Variants in ZNF385D observed in about 807,000 individuals in gnomAD.
ZNF385D encodes zinc finger protein 385D.
A neutral mutation model predicts 35.8 loss-of-function variants in ZNF385D; 15 were observed. That is an observed-to-expected ratio of 0.42 (90% CI 0.28 to 0.64). ZNF385D has a LOEUF of 0.64. Ranked by LOEUF, ZNF385D falls within the 30% of genes least tolerant of loss-of-function variation. ZNF385D has a pLI of 0.23. For synonymous variants in ZNF385D, 212 were observed against 186.8 expected (o/e 1.13, Z -1.10); for missense variants, 474 against 494.6 (o/e 0.96, Z 0.39).
At chr3:22,014,758 A>C (rs1696781159) in intron 3 of ZNF385D, among the ~76,000 whole-genome samples, 1 of 152,162 alleles carries the variant, frequency 6.6e-6, no homozygotes, top group African/African-American at 2.4e-5. Flanking sequence ...TAAATATATT[A>C]ATAATGAAAT....
intron 2 of ZNF385D, among the ~76,000 whole-genome samples, chr3:21,621,958 T>C (rs755238465): frequency 2.6e-5 from 4 of 152,150 alleles, no homozygotes; most frequent in Non-Finnish European, 4.4e-5. Context: ...ATTACTCTTC[T>C]GGATTTTAAC....
chr3:21,569,729 T>C (rs1212678785), intron 2 of ZNF385D, among the ~76,000 whole-genome samples: 1 of 151,780 alleles, frequency 6.6e-6, no homozygotes, highest in Non-Finnish European at 1.5e-5. Context: ...TATGCAGCCA[T>C]AAAAAATGAT....
At chr3:21,863,131 T>C (rs1186848252) in intron 3 of ZNF385D, among the ~76,000 whole-genome samples, 4 of 152,180 alleles carry the variant, frequency 2.6e-5, no homozygotes, top group Non-Finnish European at 4.4e-5. Context: ...TAAAATCATG[T>C]TGGTAAAACA....
intron 1 of ZNF385D, among the ~76,000 whole-genome samples, chr3:21,737,931 G>A (rs959406076): frequency 1.3e-4 from 20 of 152,178 alleles, no homozygotes; most frequent in Non-Finnish European, 2.4e-4. Context: ...CAGCACTCAC[G>A]TAAAGATAGA....
intron 2 of ZNF385D, among the ~76,000 whole-genome samples, chr3:21,655,175 G>C (rs1181482810): frequency 6.6e-6 from 1 of 151,856 alleles, no homozygotes; most frequent in African/African-American, 2.4e-5. Context: ...GGTTCAATAG[G>C]CTTCCTCAAT....
At position 22,245,744 on chromosome 3, in the gene ZNF385D, T is replaced by G. The variant is rs879444214; in HGVS notation, c.107-76709A>C. On this transcript the variant is annotated intron_variant, in intron 2 of 5. Transcript: ENST00000494108. ...TTGCTCTTTTTCTCTTTCCTTTTTT[T>G]GGGGGGTGGTGGGGAGGGGGGGCTA... 4.7e-3 allele frequency among the ~76,000 whole-genome samples: 222 copies of G among 47,650 alleles called. 2 individuals carry two copies. Among genetic ancestry groups the G allele is most frequent in the Admixed American group, 0.037 (152 of 4,088 alleles). 31.3% of individuals were successfully genotyped at this position (47,650 alleles called of 152,430 possible).
intron 3 of ZNF385D, among the ~76,000 whole-genome samples, chr3:21,554,679 G>A (rs923635999): frequency 3.3e-5 from 5 of 152,126 alleles, no homozygotes; most frequent in African/African-American, 1.2e-4. Flanking sequence ...AATCTGTTGG[G>A]TAGTGTAGCC....
chr3:22,140,246 A>T (rs1322304259), intron 3 of ZNF385D, among the ~76,000 whole-genome samples: 1 of 152,238 alleles, frequency 6.6e-6, no homozygotes, highest in Admixed American at 6.5e-5. Flanking sequence ...ATACTCAGCA[A>T]TAAAAAGGAA....
At chr3:21,625,732 A>G (rs2065118088) in intron 2 of ZNF385D, among the ~76,000 whole-genome samples, 1 of 152,078 alleles carries the variant, frequency 6.6e-6, no homozygotes, top group Non-Finnish European at 1.5e-5. Flanking sequence ...GTTAAATGTG[A>G]CTATTCAAAT....
intron 2 of ZNF385D, among the ~76,000 whole-genome samples, chr3:22,346,220 TC>T (rs1283935381): frequency 6.6e-6 from 1 of 152,192 alleles, no homozygotes; most frequent in Non-Finnish European, 1.5e-5. Flanking sequence ...TAAATTCCTG[TC>T]TACCACTTTC....
chr3:22,301,482 T>C (rs555820805), intron 2 of ZNF385D, among the ~76,000 whole-genome samples: 1 of 152,202 alleles, frequency 6.6e-6, no homozygotes, highest in East Asian at 1.9e-4. Flanking sequence ...TGATCAGATT[T>C]AGTCATTCCC....
At chr3:22,046,129 G>A (rs1485304922) in intron 3 of ZNF385D, among the ~76,000 whole-genome samples, 2 of 152,146 alleles carry the variant, frequency 1.3e-5, no homozygotes, top group South Asian at 2.1e-4. Flanking sequence ...AGTGCTGTGG[G>A]CAGCAGGAGA....
intron 2 of ZNF385D, among the ~76,000 whole-genome samples, chr3:21,598,761 T>A (rs1299348192): frequency 6.6e-6 from 1 of 152,212 alleles, no homozygotes; most frequent in African/African-American, 2.4e-5. Flanking sequence ...AATGCTAATT[T>A]CTAACACAAA....
chr3:22,228,116 A>C (rs1698668027), intron 2 of ZNF385D, among the ~76,000 whole-genome samples: 2 of 152,186 alleles, frequency 1.3e-5, no homozygotes, highest in East Asian at 1.9e-4. Context: ...AAGATAGCAG[A>C]GATGGTAGCA....
chr3:21,768,456 G>C (rs532059989), intron 3 of ZNF385D, among the ~76,000 whole-genome samples: 1 of 151,816 alleles, frequency 6.6e-6, no homozygotes, highest in African/African-American at 2.4e-5. Context: ...AACTCTTTTG[G>C]AACTCTGGAG....
chr3:21,698,994 A>C (rs2067571454), intron 1 of ZNF385D, among the ~76,000 whole-genome samples: 1 of 152,182 alleles, frequency 6.6e-6, no homozygotes, highest in Non-Finnish European at 1.5e-5. Flanking sequence ...CTGGGTTTAT[A>C]CCCAAAGGAT....
At chr3:21,620,995 T>TTC (rs1212215819) in intron 2 of ZNF385D, among the ~76,000 whole-genome samples, 2 of 150,848 alleles carry the variant, frequency 1.3e-5, no homozygotes, top group African/African-American at 4.9e-5. Context: ...CATGTGTGTG[T>TTC]GCGCACACAC....
intron 3 of ZNF385D, among the ~76,000 whole-genome samples, chr3:22,068,245 T>C (rs367557786): frequency 1.5e-4 from 23 of 152,232 alleles, no homozygotes; most frequent in African/African-American, 5.5e-4. Flanking sequence ...GACACTGTGA[T>C]GCTAATTCTA....
intron 3 of ZNF385D, among the ~76,000 whole-genome samples, chr3:21,900,725 G>A (rs1699363892): frequency 6.6e-6 from 1 of 152,120 alleles, no homozygotes; most frequent in African/African-American, 2.4e-5. Flanking sequence ...CAATACATAT[G>A]TACATACATA....
Sources: allele counts gnomAD v4.1 joint callset (sites outside exome capture counted in the v4.1 genomes callset), GRCh38; gene constraint gnomAD v4.1.1; transcripts MANE v1.5; gene names NCBI Gene and HGNC (gene_info 2026-07-23, HGNC 2026-07-21).